Variants in ACOT7 observed in about 807,000 individuals in gnomAD.
The protein encoded by ACOT7 is acyl-CoA thioesterase 7.
A neutral mutation model predicts 40.2 loss-of-function variants in ACOT7; 12 were observed. That is an observed-to-expected ratio of 0.30 (90% confidence interval 0.19 to 0.48). The LOEUF (loss-of-function observed/expected upper bound fraction) is 0.48. Among genes scored for constraint, ACOT7 ranks in the 20% least tolerant of loss-of-function variants. ACOT7 has a pLI of 0.99. For synonymous variants in ACOT7, 228 were observed against 219.5 expected, an observed-to-expected ratio of 1.04 and a Z score of -0.34; for missense variants, 395 against 530.8, an observed-to-expected ratio of 0.74 and a Z score of 2.51.
At chr1:6,271,056 C>T (rs1313623537) in intron 8 of ACOT7, among the ~76,000 whole-genome samples, 3 of 152,156 alleles carry the variant, frequency 2.0e-5, no homozygotes, top group Non-Finnish European at 2.9e-5. Context: ...GCTGCCTGGG[C>T]CTGGGGTCTG....
intron 4 of ACOT7, among the ~76,000 whole-genome samples, chr1:6,332,422 C>T (rs1271080066): frequency 6.6e-6 from 1 of 152,234 alleles, no homozygotes; most frequent in Non-Finnish European, 1.5e-5. Context: ...TTATTCCCAA[C>T]GTCTCCCCTC....
At chr1:6,376,527 G>C (rs1317641091) in intron 1 of ACOT7, among the ~76,000 whole-genome samples, 4 of 152,044 alleles carry the variant, frequency 2.6e-5, no homozygotes, top group Non-Finnish European at 4.4e-5. Context: ...AGGAGATCGA[G>C]ACCAGCCTAG....
intron 6 of ACOT7, among the ~76,000 whole-genome samples, chr1:6,313,767 G>A (rs1640408085): frequency 6.6e-6 from 1 of 152,134 alleles, no homozygotes; most frequent in Non-Finnish European, 1.5e-5. Flanking sequence ...AGCACCACGG[G>A]GCTGCCTATC....
intron 7 of ACOT7, among the ~76,000 whole-genome samples, chr1:6,290,257 G>A (rs546528765): frequency 1.3e-5 from 2 of 152,342 alleles, no homozygotes; most frequent in East Asian, 3.9e-4. Flanking sequence ...CAAAATTACA[G>A]GAGAGTGAGT....
intron 2 of ACOT7, among the ~76,000 whole-genome samples, chr1:6,348,476 C>T (rs1331704706): frequency 2.0e-5 from 3 of 152,144 alleles, no homozygotes; most frequent in Non-Finnish European, 4.4e-5. Context: ...GAAATCCTAA[C>T]CCCCAAGGGA....
intron 7 of ACOT7, among the ~76,000 whole-genome samples, chr1:6,287,126 G>A (rs1019831639): frequency 1.3e-5 from 2 of 152,220 alleles, no homozygotes; most frequent in Admixed American, 6.5e-5. Context: ...CAGGAGTTCC[G>A]GCACAAGTGC....
chr1:6,280,134 A>G (rs1047126964), intron 8 of ACOT7, among the ~76,000 whole-genome samples: 2 of 152,204 alleles, frequency 1.3e-5, no homozygotes, highest in Non-Finnish European at 2.9e-5. Context: ...CACTTCCATG[A>G]GAACGCCAGC....
chr1:6,388,821 A>C (rs1642484817), intron 1 of ACOT7, among the ~76,000 whole-genome samples: 1 of 150,848 alleles, frequency 6.6e-6, no homozygotes, highest in South Asian at 2.1e-4. Context: ...GGAGGACCAC[A>C]GGGTCAGGAG....
intron 7 of ACOT7, among the ~76,000 whole-genome samples, chr1:6,285,677 G>A (rs1156319132): frequency 6.6e-6 from 1 of 152,216 alleles, no homozygotes; most frequent in African/African-American, 2.4e-5. Context: ...GTGTCCAGGT[G>A]GCTCTCGGGA....
chr1:6,371,105 G>A (rs1386985961), intron 1 of ACOT7, among the ~76,000 whole-genome samples: 3 of 152,018 alleles, frequency 2.0e-5, no homozygotes, highest in South Asian at 4.2e-4. Context: ...CACCGCACCC[G>A]GCCTGATCAG....
Position 6,352,240 on chromosome 1 carries a change from C to G in ACOT7, c.144-2374G>C, listed in dbSNP as rs542022005. 3.4e-4 allele frequency: 52 copies of G among 152,852 alleles called. No homozygotes were observed. The highest frequency in any genetic ancestry group is 1.2e-3 in the African/African-American group (50 of 41,572). The allele number at this position is 152,852 out of a possible 1,614,324, so 9.5% of individuals were successfully genotyped here. ...ACTCACTTACCCCTTCTCCCTTTCC[C>G]CAAATCAGACACCTTCCCTCCAAGC... On this transcript the variant is annotated intron_variant, in intron 1 of 8. Transcript: ENST00000361521. This position sits in a 1 kb window ranked among gnomAD's most constrained non-coding sequence, Gnocchi z 4.5.
intron 1 of ACOT7, among the ~76,000 whole-genome samples, chr1:6,364,872 A>T (rs1641967911): frequency 7.0e-6 from 1 of 143,656 alleles, no homozygotes; most frequent in Non-Finnish European, 1.5e-5. Context: ...AAAAAAAAAA[A>T]ATTAGCCAGG....
chr1:6,276,974 C>G (rs185263194), intron 8 of ACOT7, among the ~76,000 whole-genome samples: 1 of 151,956 alleles, frequency 6.6e-6, no homozygotes, highest in Non-Finnish European at 1.5e-5. Flanking sequence ...GCTGGCCCTC[C>G]TCCTGCACTC....
chr1:6,302,536 CTG>C (rs1399138424), intron 6 of ACOT7, among the ~76,000 whole-genome samples: 2 of 152,090 alleles, frequency 1.3e-5, no homozygotes, highest in Admixed American at 6.5e-5. Context: ...CCACCCCAGT[CTG>C]TGTTTTCACA....
chr1:6,315,210 G>A (rs978248336), intron 6 of ACOT7, among the ~76,000 whole-genome samples: 3 of 152,172 alleles, frequency 2.0e-5, no homozygotes, highest in African/African-American at 4.8e-5. Context: ...CACAGAAAAC[G>A]GGACTCGGGC....
intron 6 of ACOT7, among the ~76,000 whole-genome samples, chr1:6,312,600 T>A (rs1446566884): frequency 6.6e-6 from 1 of 152,186 alleles, no homozygotes; most frequent in African/African-American, 2.4e-5. Flanking sequence ...CCCAAGCAGC[T>A]GGGATTACAG....
At chr1:6,335,156 C>A (rs546608494) in intron 3 of ACOT7, among the ~76,000 whole-genome samples, 2 of 152,006 alleles carry the variant, frequency 1.3e-5, no homozygotes, top group African/African-American at 2.4e-5. Flanking sequence ...CATGGAGAAA[C>A]CCCGTCTCTA....
chr1:6,338,585 AT>A lies in ACOT7; in HGVS notation c.418+847del, dbSNP rs1641174673. On this transcript the variant is annotated intron_variant, in intron 3 of 8. Coordinates refer to ENST00000361521, the MANE Select transcript of ACOT7 (RefSeq NM_007274.4). The surrounding 1 kb of genome is among the most constrained non-coding windows in gnomAD (Gnocchi z 4.4). ...AATCAACCCTGCTGAGGTCCTCAGA[AT>A]GTTCTAGATGCATAATCGTGCTTGC... 6.6e-6 allele frequency among the ~76,000 whole-genome samples: 1 copy of A among 152,182 alleles called. No individual in the cohort carries two copies. The highest frequency in any genetic ancestry group is 2.4e-5 in the African/African-American group (1 of 41,446).
intron 5 of ACOT7, among the ~76,000 whole-genome samples, chr1:6,322,895 C>G (rs1346164853): frequency 6.6e-6 from 1 of 152,108 alleles, no homozygotes; most frequent in Non-Finnish European, 1.5e-5. Flanking sequence ...CTTTGGGAGG[C>G]TGAGGCAGGT....
Sources: allele counts gnomAD v4.1 joint callset (sites outside exome capture counted in the v4.1 genomes callset), GRCh38; gene constraint gnomAD v4.1.1; non-coding constraint Gnocchi (gnomAD v3.1); transcripts MANE v1.5; gene names NCBI Gene and HGNC (gene_info 2026-07-23, HGNC 2026-07-21).